Variants in NEK7 observed in about 807,000 individuals in gnomAD.
NEK7 encodes NIMA related kinase 7.
NEK7 carries 18 observed loss-of-function variants against 44.6 expected under a neutral mutation model. The observed-to-expected ratio is 0.40, with a 90% CI of 0.28 to 0.60. The LOEUF (loss-of-function observed/expected upper bound fraction) is 0.60. Ranked by LOEUF, NEK7 falls within the 20% of genes least tolerant of loss-of-function variation. NEK7 has a pLI of 0.38. For missense variants in NEK7, 256 were observed against 366.5 expected (o/e 0.70, Z 2.46); for synonymous variants, 130 against 121.1 (o/e 1.07, Z -0.48).
intron 5 of NEK7, among the ~76,000 whole-genome samples, chr1:198,275,077 G>A (rs1653973825): frequency 6.6e-6 from 1 of 151,206 alleles, no homozygotes; most frequent in African/African-American, 2.4e-5. Context: ...TTAGCTTTTT[G>A]TCACATCTGA....
At position 198,297,248 on chromosome 1, in the gene NEK7, ATT is replaced by A. The variant is rs1294915180; in HGVS notation, c.798+11_798+12del. 6.2e-7 allele frequency: 1 copy of A among 1,612,318 alleles called. No homozygotes were observed. Among genetic ancestry groups the A allele is most frequent in the South Asian group, 1.1e-5 (1 of 90,716 alleles). On this transcript the variant is annotated intron_variant, in intron 9 of 9. Coordinates refer to ENST00000367385, the MANE Select transcript of NEK7 (RefSeq NM_133494.3). ...GATCACTATTCAGAAGAAGTAAGTC[ATT>A]TTCAGCCCACATGTTCTTCTGTTGT...
chr1:198,208,284 T>C (rs1665656416), intron 1 of NEK7, among the ~76,000 whole-genome samples: 1 of 152,256 alleles, frequency 6.6e-6, no homozygotes, highest in Non-Finnish European at 1.5e-5. Flanking sequence ...TTATCTTCCT[T>C]CAGATAATTT....
At chr1:198,245,180 A>C (rs953076277) in intron 2 of NEK7, 1 of 168,538 alleles carries the variant, frequency 5.9e-6, no homozygotes. Flanking sequence ...TTGTCTTTGC[A>C]TTGGGTAGGC....
At chr1:198,197,244 C>G (rs1391709290) in intron 1 of NEK7, among the ~76,000 whole-genome samples, 1 of 152,134 alleles carries the variant, frequency 6.6e-6, no homozygotes, top group African/African-American at 2.4e-5. Context: ...AGTTTCTTGA[C>G]AGTTAACATT....
At chr1:198,255,505 G>A (rs1653227539) in intron 3 of NEK7, among the ~76,000 whole-genome samples, 1 of 152,072 alleles carries the variant, frequency 6.6e-6, no homozygotes, top group South Asian at 2.1e-4. Flanking sequence ...AGGGAAGAAA[G>A]AAAGAATGGA....
chr1:198,177,676 T>C (rs960014292), intron 1 of NEK7, among the ~76,000 whole-genome samples: 1 of 152,028 alleles, frequency 6.6e-6, no homozygotes, highest in Non-Finnish European at 1.5e-5. Context: ...TTATAAAACT[T>C]ATAATCTGAG....
intron 1 of NEK7, among the ~76,000 whole-genome samples, chr1:198,210,841 C>T (rs1356535622): frequency 1.3e-5 from 2 of 148,274 alleles, no homozygotes; most frequent in African/African-American, 2.5e-5. Context: ...CAAGCTCCGC[C>T]TCCCGGGTTC....
intron 2 of NEK7, among the ~76,000 whole-genome samples, chr1:198,244,634 AT>A (rs1172259717): frequency 1.3e-5 from 2 of 152,186 alleles, no homozygotes; most frequent in Non-Finnish European, 2.9e-5. Flanking sequence ...CATCAAAAAA[AT>A]GTTTGTTAAT....
intron 1 of NEK7, among the ~76,000 whole-genome samples, chr1:198,172,086 C>CTG (rs1664466351): frequency 1.3e-5 from 2 of 152,130 alleles, no homozygotes; most frequent in Non-Finnish European, 2.9e-5. Context: ...GTAGACATAT[C>CTG]AGTAATGCTG....
intron 1 of NEK7, among the ~76,000 whole-genome samples, chr1:198,203,677 G>A (rs755530775): frequency 6.6e-6 from 1 of 152,126 alleles, no homozygotes; most frequent in Non-Finnish European, 1.5e-5. Context: ...ACACTTCCTA[G>A]TCAGTAAAAA....
rs745875793 is a variant in NEK7, at chr1:198,297,152, A to G, written c.710A>G (p.Tyr237Cys). The change falls in exon 9 of 10, where the codon TAT (tyrosine) becomes TGT (cysteine). Residue 237 changes from tyrosine to cysteine, a missense_variant. By Grantham distance (194) the Tyr-to-Cys change is radical. Transcript: ENST00000367385. ...YEMAALQSPF[Y>C]GDKMNLYSLC... ...ATGGCTGCATTACAAAGTCCTTTCT[A>G]TGGTGACAAAATGAATTTATACTCA... is the stretch of plus-strand genomic sequence containing the variant. 1.9e-6 allele frequency: 3 copies of G among 1,613,050 alleles called. No homozygotes were observed. Among genetic ancestry groups the G allele is most frequent in the Non-Finnish European group, 8.5e-7 (1 of 1,179,390 alleles).
Position 198,248,795 on chromosome 1 carries a change from G to A in NEK7, c.58-4245G>A, listed in dbSNP as rs548969510. Among the ~76,000 whole-genome samples the A allele has an allele frequency of 5.3e-5, 8 of 152,044 alleles. No individual in the cohort carries two copies. The South Asian group carries it at 1.7e-3, about 32-fold the overall frequency. ...AGCAGAGAAATACTAGATTGGGTGGGACAAGTTTATATTCTGTGAACTAAA... is the reference window on the plus strand; with the variant it reads ...AGCAGAGAAATACTAGATTGGGTGGAACAAGTTTATATTCTGTGAACTAAA... On this transcript the variant is annotated intron_variant, in intron 2 of 9. Transcript: ENST00000367385.
At chr1:198,266,269 A>G (rs968736382) in intron 5 of NEK7, among the ~76,000 whole-genome samples, 1 of 152,152 alleles carries the variant, frequency 6.6e-6, no homozygotes, top group East Asian at 1.9e-4. Context: ...ATAGATTCAT[A>G]TAAACATTGC....
chr1:198,291,263 T>C (rs1654544944), intron 7 of NEK7, among the ~76,000 whole-genome samples: 1 of 152,220 alleles, frequency 6.6e-6, no homozygotes, highest in South Asian at 2.1e-4. Flanking sequence ...TGCCAGTCAC[T>C]TGCTTTATGT....
chr1:198,308,840 T>TCC (rs57847375), intron 9 of NEK7, among the ~76,000 whole-genome samples: 4 of 152,052 alleles, frequency 2.6e-5, no homozygotes, highest in Non-Finnish European at 4.4e-5. Flanking sequence ...TAGAATTCTC[T>TCC]CCCCCCCTTT....
At chr1:198,223,490 A>G (rs12743955) in intron 1 of NEK7, among the ~76,000 whole-genome samples, 22,272 of 152,170 alleles carry the variant, frequency 0.15, 2,148 homozygotes, top group South Asian at 0.26. Flanking sequence ...AATGGGAAGT[A>G]TGCTTAAAGT....
chr1:198,245,368 A>G lies in NEK7; in HGVS notation c.58-7672A>G, dbSNP rs1006992146. On this transcript the variant is annotated intron_variant, in intron 2 of 9. Transcript: ENST00000367385. The stretch of plus-strand genomic sequence containing the variant: ...GACCCAACATGGTGCCTGCGTTTGT[A>G]TGCCTCTTTATAGAGTTGAATGACT... 3 of 169,422 alleles carry G rather than the reference A, an allele frequency of 1.8e-5. 1 individual carries two copies. Among genetic ancestry groups the G allele is most frequent in the African/African-American group, 7.2e-5 (3 of 41,672 alleles). 10.5% of individuals were successfully genotyped at this position (169,422 alleles called of 1,614,324 possible).
At chr1:198,299,071 C>G (rs898042672) in intron 9 of NEK7, among the ~76,000 whole-genome samples, 1 of 152,116 alleles carries the variant, frequency 6.6e-6, no homozygotes, top group African/African-American at 2.4e-5. Context: ...TTACCAGTTT[C>G]GAAAAGAGCT....
chr1:198,239,479 A>T (rs530495607), intron 2 of NEK7, among the ~76,000 whole-genome samples: 1 of 152,190 alleles, frequency 6.6e-6, no homozygotes, highest in East Asian at 1.9e-4. Context: ...TATATTGCCT[A>T]TAAAAGTGGT....
Sources: gnomAD v4.1 joint callset for allele counts (sites outside exome capture counted in the v4.1 genomes callset) on GRCh38, gnomAD v4.1.1 for gene constraint, MANE v1.5 for transcripts, NCBI Gene and HGNC (gene_info 2026-07-23, HGNC 2026-07-21) for gene names.